The following CSTF3 variants were observed in gnomAD, a reference collection of about 807,000 sequenced individuals.
CSTF3 encodes the protein CF-1 77 kDa subunit.
CSTF3 carries 29 observed loss-of-function variants against 105.8 expected under a neutral mutation model. The ratio of observed to expected loss-of-function variants is 0.27; its 90% CI spans 0.20 to 0.37. The LOEUF is 0.37. CSTF3 is among the 10% of genes least tolerant of loss of function. The pLI is 1.00. For synonymous variants in CSTF3, 252 were observed against 281.9 expected, an observed-to-expected ratio of 0.89 and a Z score of 1.06; for missense variants, 357 against 879.3, an observed-to-expected ratio of 0.41 and a Z score of 7.51.
rs140033342 is a variant in CSTF3, at chr11:33,092,612, T to C, written c.1376-272A>G. Among the ~76,000 whole-genome samples, 153 of 152,310 alleles carry C rather than the reference T, an allele frequency of 1.0e-3. 1 individual carries two copies. Among genetic ancestry groups the C allele is most frequent in the African/African-American group, 3.5e-3 (146 of 41,578 alleles). On this transcript the variant is annotated intron_variant, in intron 15 of 20. Coordinates refer to ENST00000323959, the MANE Select transcript of CSTF3 (RefSeq NM_001326.3). ...CTCCTCTACTATACTGCAGTTCTAATGCAAAACCATTTATAACAGTGCCGT... is the reference window on the plus strand; with the variant it reads ...CTCCTCTACTATACTGCAGTTCTAACGCAAAACCATTTATAACAGTGCCGT...
intron 13 of CSTF3, among the ~76,000 whole-genome samples, chr11:33,097,289 G>T (rs1855231869): frequency 6.6e-6 from 1 of 152,030 alleles, no homozygotes; most frequent in Non-Finnish European, 1.5e-5. Context: ...TGAAAAGTGT[G>T]ACACTACTAG....
chr11:33,096,727 C>T (rs938159800), intron 14 of CSTF3, 108 bp downstream of exon 14: 16 of 1,104,334 alleles, frequency 1.4e-5, no homozygotes, highest in East Asian at 4.8e-5. Context: ...ACTGCCTTTA[C>T]AAAATGGAGC....
At chr11:33,133,466 T>C (rs1271332146) in intron 3 of CSTF3, among the ~76,000 whole-genome samples, 2 of 152,250 alleles carry the variant, frequency 1.3e-5, no homozygotes, top group Non-Finnish European at 2.9e-5. Context: ...TGAACATTAC[T>C]ACGCCTCTGG....
At chr11:33,106,114 T>C in intron 5 of CSTF3, 50 bp from the exon 6 acceptor site, 1 of 1,431,984 alleles carries the variant, frequency 7.0e-7, no homozygotes, top group African/African-American at 1.4e-5. Flanking sequence ...GTTATTAAAA[T>C]TTATCTACAA....
Position 33,099,285 on chromosome 11 carries a change from G to T in CSTF3, c.937-135C>A. ...TACATGTATGTACACACATATATAT[G>T]TATCCACACACACACATACATAAAC... is the stretch of plus-strand genomic sequence containing the variant. On this transcript the variant is annotated intron_variant, in intron 11 of 20. Coordinates refer to ENST00000323959, the MANE Select transcript of CSTF3 (RefSeq NM_001326.3). The surrounding 1 kb of genome is among the most constrained non-coding windows in gnomAD (Gnocchi z 4.1). The T allele has an allele frequency of 9.1e-7, 1 of 1,098,870 alleles. No individual in the cohort carries two copies. The highest frequency in any genetic ancestry group is 1.3e-6 in the Non-Finnish European group (1 of 784,324). The allele number at this position is 1,098,870 out of a possible 1,614,324, so 68.1% of individuals were successfully genotyped here.
intron 3 of CSTF3, among the ~76,000 whole-genome samples, chr11:33,113,845 C>T (rs1855405080): frequency 6.6e-6 from 1 of 151,678 alleles, no homozygotes; most frequent in Admixed American, 6.6e-5. Flanking sequence ...CTCTTGAGCC[C>T]AGGAGTTTGA....
At position 33,099,560 on chromosome 11, in the gene CSTF3, A is replaced by G; in HGVS notation, c.936+48T>C. The G allele has an allele frequency of 5.5e-6, 7 of 1,283,328 alleles. No individual in the cohort carries two copies. Among genetic ancestry groups the G allele is most frequent in the Non-Finnish European group, 7.7e-6 (7 of 905,012 alleles). The allele number at this position is 1,283,328 out of a possible 1,614,324, so 79.5% of individuals were successfully genotyped here. On this transcript the variant is annotated intron_variant, in intron 11 of 20. Transcript: ENST00000323959. The surrounding 1 kb of genome is among the most constrained non-coding windows in gnomAD (Gnocchi z 4.1). ...ATATTTTTCAGTAAATAATTGCTAT[A>G]TCAAAACCACAAAAATATCAAAGTG...
At chr11:33,161,254 G>T (rs749532820) in intron 1 of CSTF3, 45 bp downstream of exon 1, 2 of 1,609,742 alleles carry the variant, frequency 1.2e-6, no homozygotes, top group South Asian at 1.1e-5. Flanking sequence ...AGGAACAGAC[G>T]TGGAGAAGAG....
At chr11:33,092,978 T>A (rs1396566230) in intron 15 of CSTF3, among the ~76,000 whole-genome samples, 1 of 152,216 alleles carries the variant, frequency 6.6e-6, no homozygotes, top group African/African-American at 2.4e-5. Flanking sequence ...AGTTATCTTT[T>A]AAAACTTAAG....
chr11:33,092,488 C>G (rs1320490660), intron 15 of CSTF3, 148 bp from the exon 16 acceptor site: 1 of 525,196 alleles, frequency 1.9e-6, no homozygotes, highest in African/African-American at 2.0e-5. Context: ...GATGAGGAAA[C>G]TTGAGCTTCA....
intron 17 of CSTF3, among the ~76,000 whole-genome samples, chr11:33,087,951 T>C (rs1233040721): frequency 3.9e-5 from 6 of 152,080 alleles, no homozygotes; most frequent in Admixed American, 3.9e-4. Context: ...TCAGAGGAGC[T>C]CCTCTGCTCC....
chr11:33,107,835 T>G, intron 5 of CSTF3, 68 bp downstream of exon 5: 2 of 851,286 alleles, frequency 2.3e-6, no homozygotes, highest in Non-Finnish European at 3.8e-6. Context: ...ACAGAAGGTG[T>G]GAGTTTATGT....
intron 20 of CSTF3, 90 bp downstream of exon 20, chr11:33,085,623 G>A (rs1181900815): frequency 2.3e-5 from 29 of 1,244,882 alleles, no homozygotes; most frequent in African/African-American, 4.5e-5. Flanking sequence ...GGCTGGTTTC[G>A]AAAACTTCAG....
At chr11:33,096,457 A>C in intron 14 of CSTF3, 49 bp from the exon 15 acceptor site, 1 of 1,126,926 alleles carries the variant, frequency 8.9e-7, no homozygotes, top group Non-Finnish European at 1.3e-6. Flanking sequence ...TGTCAGATAA[A>C]AAACACTTGA....
chr11:33,134,023 G>A (rs1447780151), intron 3 of CSTF3, among the ~76,000 whole-genome samples: 1 of 152,054 alleles, frequency 6.6e-6, no homozygotes, highest in African/African-American at 2.4e-5. Context: ...TTTGTTATTA[G>A]CAAACACATC....
In CSTF3 at chr11:33,099,466, T is replaced by C; in HGVS notation, c.936+142A>G. The stretch of plus-strand genomic sequence containing the variant: ...TTCTAAGGAGGTCTAATTATATGAG[T>C]GTCACTAAGATTCATATGAACGTAA... On this transcript the variant is annotated intron_variant, in intron 11 of 20. Transcript: ENST00000323959. The surrounding 1 kb of genome is among the most constrained non-coding windows in gnomAD (Gnocchi z 4.1). 1 of 652,530 alleles carries C rather than the reference T, an allele frequency of 1.5e-6. No individual in the cohort carries two copies. The highest frequency in any genetic ancestry group is 2.0e-5 in the South Asian group (1 of 50,054). 40.4% of individuals were successfully genotyped at this position (652,530 alleles called of 1,614,324 possible).
chr11:33,119,919 T>G (rs898807231), intron 3 of CSTF3, among the ~76,000 whole-genome samples: 3 of 151,762 alleles, frequency 2.0e-5, no homozygotes, highest in Non-Finnish European at 1.5e-5. Context: ...AATTGTATAT[T>G]TATTCAACCC....
chr11:33,098,575 C>G, intron 13 of CSTF3, 115 bp downstream of exon 13: 2 of 636,156 alleles, frequency 3.1e-6, no homozygotes, highest in Non-Finnish European at 5.3e-6. Flanking sequence ...TGTTATTTGT[C>G]AAGATTAATA....
chr11:33,093,339 A>G (rs1855187592), intron 15 of CSTF3, among the ~76,000 whole-genome samples: 1 of 152,146 alleles, frequency 6.6e-6, no homozygotes, highest in Admixed American at 6.6e-5. Flanking sequence ...ACTTTTTACC[A>G]TTCCACAGAA....
Sources: gnomAD v4.1 joint callset for allele counts (sites outside exome capture counted in the v4.1 genomes callset) on GRCh38, gnomAD v4.1.1 for gene constraint, Gnocchi (gnomAD v3.1) non-coding constraint, MANE v1.5 for transcripts, NCBI Gene and HGNC (gene_info 2026-07-23, HGNC 2026-07-21) for gene names.